RNF145: variants seen among roughly 807,000 people sequenced by gnomAD.
The protein encoded by RNF145 is ring finger protein 145.
RNF145 carries 12 observed loss-of-function variants against 57.3 expected under a neutral mutation model. The observed-to-expected ratio is 0.21, with a 90% CI of 0.13 to 0.34. The LOEUF (loss-of-function observed/expected upper bound fraction) is 0.34, where lower values mean the gene tolerates loss of function less well. Among genes scored for constraint, RNF145 ranks in the 10% least tolerant of loss-of-function variants. The pLI, the probability that RNF145 is intolerant of heterozygous loss-of-function variation, is 1.00. For synonymous variants in RNF145, 262 were observed against 288.3 expected (o/e 0.91, Z 0.92); for missense variants, 429 against 799.0 (o/e 0.54, Z 5.58).
intron 1 of RNF145, chr5:159,208,200 C>G: frequency 7.5e-7 from 1 of 1,332,380 alleles, no homozygotes; most frequent in Non-Finnish European, 9.7e-7. Flanking sequence ...AAGCAGGCAG[C>G]GCAGCAGCAG....
Position 159,176,625 on chromosome 5 carries a change from G to A in RNF145, c.621+7C>T. ...ATCTACCTGTTTGTGGTTGTCAGCAGTCTTACCTGAACCAATTCTCTGTAT... is the reference window on the plus strand; with the variant it reads ...ATCTACCTGTTTGTGGTTGTCAGCAATCTTACCTGAACCAATTCTCTGTAT... On this transcript the variant is annotated splice_region_variant and intron_variant, in intron 5 of 10. Coordinates refer to ENST00000424310, the MANE Select transcript of RNF145 (RefSeq NM_001199383.2). 6.6e-7 allele frequency: 1 copy of A among 1,524,954 alleles called. No individual in the cohort carries two copies. Among genetic ancestry groups the A allele is most frequent in the Non-Finnish European group, 9.1e-7 (1 of 1,100,376 alleles). The allele number at this position is 1,524,954 out of a possible 1,614,324, so 94.5% of individuals were successfully genotyped here.
intron 3 of RNF145, among the ~76,000 whole-genome samples, chr5:159,187,285 AAAAC>A (rs1452975713): frequency 1.3e-5 from 2 of 152,126 alleles, no homozygotes; most frequent in Non-Finnish European, 2.9e-5. Flanking sequence ...TCCATCTCAA[AAAAC>A]AAACAAACAA....
chr5:159,167,727 C>T lies in RNF145; in HGVS notation c.1121+1146G>A, dbSNP rs530772458. Among the ~76,000 whole-genome samples the T allele has an allele frequency of 2.1e-4, 32 of 152,224 alleles. 1 individual carries two copies. Among genetic ancestry groups the T allele is most frequent in the South Asian group, 1.5e-3 (7 of 4,822 alleles). ...TCACAAACAAATGTGAAATAACTACCATCAACTATGATGATTAAGAAGATC... is the reference window on the plus strand; with the variant it reads ...TCACAAACAAATGTGAAATAACTACTATCAACTATGATGATTAAGAAGATC... On this transcript the variant is annotated intron_variant, in intron 8 of 10. Coordinates refer to ENST00000424310, the MANE Select transcript of RNF145 (RefSeq NM_001199383.2).
At chr5:159,175,800 T>C (rs1457127602) in intron 5 of RNF145, among the ~76,000 whole-genome samples, 1 of 152,182 alleles carries the variant, frequency 6.6e-6, no homozygotes, top group African/African-American at 2.4e-5. Flanking sequence ...TTAGCTGTTA[T>C]CAGTTTGTTC....
chr5:159,183,723 C>A (rs1040891938), intron 3 of RNF145, among the ~76,000 whole-genome samples: 3 of 152,102 alleles, frequency 2.0e-5, no homozygotes, highest in African/African-American at 2.4e-5. Flanking sequence ...CCAATAATTT[C>A]TTTTTGGTCA....
intron 9 of RNF145, 141 bp from the exon 10 acceptor site, chr5:159,161,763 A>G (rs1784225951): frequency 1.1e-5 from 6 of 550,996 alleles, no homozygotes; most frequent in Admixed American, 7.3e-5. Flanking sequence ...GGGGAAAAAA[A>G]AGTTTTAATA....
At chr5:159,159,501 C>G (rs1282940074) in intron 10 of RNF145, among the ~76,000 whole-genome samples, 1 of 152,060 alleles carries the variant, frequency 6.6e-6, no homozygotes, top group Non-Finnish European at 1.5e-5. Context: ...CATATAATAC[C>G]AGGGTATTGG....
intron 2 of RNF145, among the ~76,000 whole-genome samples, chr5:159,199,125 G>C (rs1311635570): frequency 6.6e-6 from 1 of 152,156 alleles, no homozygotes; most frequent in Non-Finnish European, 1.5e-5. Flanking sequence ...TGGACCCTTA[G>C]AATGCAACAT....
intron 5 of RNF145, among the ~76,000 whole-genome samples, chr5:159,175,440 T>C (rs561536026): frequency 9.2e-5 from 14 of 152,278 alleles, no homozygotes; most frequent in African/African-American, 3.1e-4. Context: ...CATTAAAAAA[T>C]GAAGGCTGAG....
intron 3 of RNF145, among the ~76,000 whole-genome samples, chr5:159,187,685 T>C (rs1316954141): frequency 1.3e-5 from 2 of 152,150 alleles, no homozygotes; most frequent in African/African-American, 4.8e-5. Flanking sequence ...CATGTGACAA[T>C]GTCTAGGGAC....
rs541218399 is a variant in RNF145 at position 159,182,612 on chromosome 5, T to C, written c.294-561A>G. Reference sequence around the variant, plus strand: ...AATTATAATATTTAAGTAGGCTACATATTTACTTTGAAGCAAATTTTACAT... The same window carrying C: ...AATTATAATATTTAAGTAGGCTACACATTTACTTTGAAGCAAATTTTACAT... On this transcript the variant is annotated intron_variant, in intron 3 of 10. Coordinates refer to ENST00000424310, the MANE Select transcript of RNF145 (RefSeq NM_001199383.2). Among the ~76,000 whole-genome samples the C allele has an allele frequency of 2.6e-5, 4 of 152,190 alleles. No homozygotes were observed. The South Asian group carries it at 8.3e-4, about 32-fold the overall frequency.
intron 4 of RNF145, 72 bp from the exon 5 acceptor site, chr5:159,176,939 C>G (rs1438358457): frequency 4.8e-6 from 4 of 837,264 alleles, no homozygotes; most frequent in Non-Finnish European, 7.6e-6. Flanking sequence ...ACAAAAAACA[C>G]TGTTGATAAG....
At chr5:159,164,156 G>A (rs2113087734) in intron 8 of RNF145, among the ~76,000 whole-genome samples, 1 of 152,174 alleles carries the variant, frequency 6.6e-6, no homozygotes, top group African/African-American at 2.4e-5. Flanking sequence ...CAGTAATTCA[G>A]AGAAGAAAGT....
chr5:159,186,024 G>A (rs1785041422), intron 3 of RNF145, among the ~76,000 whole-genome samples: 1 of 152,190 alleles, frequency 6.6e-6, no homozygotes, highest in South Asian at 2.1e-4. Context: ...AGGAGTTCGA[G>A]AGCAGCCTGG....
In RNF145 at chr5:159,157,937, C is replaced by T. The variant is rs566234240; in HGVS notation, c.*733G>A. 5.9e-5 allele frequency: 9 copies of T among 152,674 alleles called. No individual in the cohort carries two copies. The South Asian group carries it at 6.2e-4, about 11-fold the overall frequency. The allele number at this position is 152,674 out of a possible 1,614,324, so 9.5% of individuals were successfully genotyped here. A position where few individuals can be genotyped will look rare whatever the true frequency, so the allele number is the denominator to read the frequency against. ...GTTTTAGTTTACTTCACACAGCCAG[C>T]GAAGTATACAACATATTTAACAAAA... On this transcript the variant is annotated 3_prime_UTR_variant, in exon 11 of 11. Coordinates refer to ENST00000424310, the MANE Select transcript of RNF145 (RefSeq NM_001199383.2).
chr5:159,168,015 A>ATTAT (rs1171528490), intron 8 of RNF145, among the ~76,000 whole-genome samples: 1 of 152,208 alleles, frequency 6.6e-6, no homozygotes, highest in Non-Finnish European at 1.5e-5. Context: ...CAATAATCAG[A>ATTAT]ATGCAGATAG....
In RNF145 at chr5:159,162,425, C is replaced by CTTTTT. The variant is rs201178143; in HGVS notation, c.1269+502_1269+506dup. On this transcript the variant is annotated intron_variant, in intron 9 of 10. Coordinates refer to ENST00000424310, the MANE Select transcript of RNF145 (RefSeq NM_001199383.2). ...CATCAATAGGTTTATGTAATATTTT[C>CTTTTT]TTTTTTTTTTTTTTTTTTTTGAGAC... 1.2e-3 allele frequency among the ~76,000 whole-genome samples: 166 copies of CTTTTT among 134,560 alleles called. 2 individuals are homozygous for CTTTTT. The highest frequency in any genetic ancestry group is 3.8e-3 in the African/African-American group (136 of 35,460). 88.3% of individuals were successfully genotyped at this position (134,560 alleles called of 152,430 possible). A position where few individuals can be genotyped will look rare whatever the true frequency, so the allele number is the denominator to read the frequency against.
At chr5:159,161,128 A>G (rs149752133) in intron 10 of RNF145, 138 bp downstream of exon 10, 35 of 580,866 alleles carry the variant, frequency 6.0e-5, no homozygotes, top group African/African-American at 3.8e-4. Flanking sequence ...GGTCTTTAAT[A>G]TAATTTCTGA....
intron 3 of RNF145, 109 bp from the exon 4 acceptor site, chr5:159,182,160 G>A: frequency 1.8e-6 from 1 of 556,980 alleles, no homozygotes; most frequent in Non-Finnish European, 3.2e-6. Flanking sequence ...CATATCTAAG[G>A]AAAAATTTAG....
Sources: gnomAD v4.1 joint callset for allele counts (sites outside exome capture counted in the v4.1 genomes callset) on GRCh38, gnomAD v4.1.1 for gene constraint, MANE v1.5 for transcripts, NCBI Gene and HGNC (gene_info 2026-07-23, HGNC 2026-07-21) for gene names.